Variants in SYNRG observed in about 807,000 individuals in gnomAD.
SYNRG encodes the protein AP1 gamma subunit binding protein 1.
Under a neutral mutation model 130.9 loss-of-function variants are expected in SYNRG, and 37 were observed. That is an observed-to-expected ratio of 0.28 (90% CI 0.22 to 0.37). The LOEUF is 0.37. SYNRG is among the 10% of genes least tolerant of loss of function. The probability of loss-of-function intolerance (pLI) is 1.00; values close to 1 mark genes in which losing one functional copy is unlikely to be tolerated. For synonymous variants in SYNRG, 539 were observed against 568.1 expected (o/e 0.95, Z 0.73); for missense variants, 1,338 against 1,588.9 (o/e 0.84, Z 2.68).
At chr17:37,585,265 T>C in intron 5 of SYNRG, 60 bp downstream of exon 5, 1 of 1,348,560 alleles carries the variant, frequency 7.4e-7, no homozygotes, top group Non-Finnish European at 1.0e-6. Flanking sequence ...ACTCAATGAG[T>C]GGGAAGAGGC....
At chr17:37,590,177 A>AG (rs1053129146) in intron 3 of SYNRG, among the ~76,000 whole-genome samples, 73 of 151,022 alleles carry the variant, frequency 4.8e-4, no homozygotes, top group African/African-American at 1.6e-3. Context: ...CAAAAAAAAA[A>AG]AAAAGAAAAG....
intron 19 of SYNRG, among the ~76,000 whole-genome samples, chr17:37,524,455 G>A (rs1490808091): frequency 6.6e-6 from 1 of 152,232 alleles, no homozygotes; most frequent in Non-Finnish European, 1.5e-5. Flanking sequence ...ATCACAGCAG[G>A]GGAAGGAAGA....
At chr17:37,541,324 GAAC>G (rs2057738377) in intron 15 of SYNRG, 1 of 913,938 alleles carries the variant, frequency 1.1e-6, no homozygotes, top group Non-Finnish European at 1.3e-6. Flanking sequence ...CAAGTAAAGT[GAAC>G]AACTTAAGTA....
intron 19 of SYNRG, among the ~76,000 whole-genome samples, chr17:37,533,930 T>TTC (rs1555720994): frequency 5.3e-5 from 6 of 113,924 alleles, no homozygotes; most frequent in African/African-American, 1.7e-4. Flanking sequence ...TCTTTTCTTT[T>TTC]TTTTTTTTTT....
chr17:37,602,603 G>A (rs2147090808), intron 1 of SYNRG, among the ~76,000 whole-genome samples: 1 of 152,338 alleles, frequency 6.6e-6, no homozygotes, highest in East Asian at 1.9e-4. Flanking sequence ...TTTCAAAAAT[G>A]GTGATTGTTA....
intron 2 of SYNRG, among the ~76,000 whole-genome samples, chr17:37,596,653 C>T (rs1285282958): frequency 6.6e-6 from 1 of 152,220 alleles, no homozygotes; most frequent in Non-Finnish European, 1.5e-5. Flanking sequence ...CCAATGACCT[C>T]TGTCTCCTGG....
chr17:37,577,300 T>C, intron 7 of SYNRG, 80 bp downstream of exon 7: 2 of 1,309,330 alleles, frequency 1.5e-6, no homozygotes, highest in Non-Finnish European at 2.2e-6. Flanking sequence ...AGCATTCATT[T>C]GAAGATTAAT....
chr17:37,562,919 C>T lies in SYNRG; in HGVS notation c.1482-1330G>A, dbSNP rs78443926. 5.3e-3 allele frequency among the ~76,000 whole-genome samples: 799 copies of T among 151,924 alleles called. 9 individuals carry two copies. Among genetic ancestry groups the T allele is most frequent in the African/African-American group, 0.018 (757 of 41,428 alleles). On this transcript the variant is annotated intron_variant, in intron 11 of 21. Transcript: ENST00000612223. ...GCTTTAGCTACGGTCTTTTAAGGCT[C>T]AATGGTAAAAATCTTTCTACTAAAT...
intron 17 of SYNRG, among the ~76,000 whole-genome samples, chr17:37,538,779 G>A (rs184019523): frequency 5.0e-4 from 76 of 152,328 alleles, no homozygotes; most frequent in African/African-American, 1.7e-3. Context: ...ATTTTTAGTA[G>A]AGACAGGGTT....
chr17:37,532,095 G>A (rs892913318), intron 19 of SYNRG, among the ~76,000 whole-genome samples: 8 of 152,206 alleles, frequency 5.3e-5, no homozygotes, highest in African/African-American at 1.9e-4. Context: ...TGGAATTACT[G>A]AGTCAGCTAC....
At chr17:37,580,591 G>A (rs1054855734) in intron 6 of SYNRG, among the ~76,000 whole-genome samples, 1 of 151,842 alleles carries the variant, frequency 6.6e-6, no homozygotes, top group African/African-American at 2.4e-5. Flanking sequence ...CTTGAGTGCA[G>A]TGGCGCGATC....
At chr17:37,591,854 T>C (rs1018365657) in intron 3 of SYNRG, among the ~76,000 whole-genome samples, 5 of 152,010 alleles carry the variant, frequency 3.3e-5, no homozygotes, top group Non-Finnish European at 7.4e-5. Context: ...ATAAAACTTT[T>C]AGAAAAAAAT....
At chr17:37,551,692 C>CTAG (rs2058717325) in intron 14 of SYNRG, among the ~76,000 whole-genome samples, 1 of 151,738 alleles carries the variant, frequency 6.6e-6, no homozygotes, top group African/African-American at 2.4e-5. Context: ...GTCCAAAAGG[C>CTAG]TAGTATACAT....
chr17:37,582,413 T>C (rs2061403827), intron 6 of SYNRG, among the ~76,000 whole-genome samples: 1 of 152,212 alleles, frequency 6.6e-6, no homozygotes, highest in African/African-American at 2.4e-5. Flanking sequence ...CTACTTAAAA[T>C]ATTTTTTAAA....
chr17:37,580,506 T>TGAGA (rs1282046342), intron 6 of SYNRG, among the ~76,000 whole-genome samples: 1 of 114,130 alleles, frequency 8.8e-6, no homozygotes, highest in East Asian at 2.6e-4. Context: ...TGTGTGTGTG[T>TGAGA]GTGTGAGAGA....
intron 17 of SYNRG, among the ~76,000 whole-genome samples, chr17:37,538,670 A>T (rs894746482): frequency 6.6e-6 from 1 of 152,196 alleles, no homozygotes; most frequent in Non-Finnish European, 1.5e-5. Flanking sequence ...ATCTCGGCTC[A>T]CTGAACCCCT....
intron 14 of SYNRG, among the ~76,000 whole-genome samples, chr17:37,543,029 A>C (rs773082690): frequency 3.3e-5 from 5 of 152,240 alleles, no homozygotes; most frequent in Admixed American, 6.5e-5. Context: ...CAGTTTCTCA[A>C]AACTAAAATG....
chr17:37,566,021 G>C (rs1456755468), intron 11 of SYNRG, among the ~76,000 whole-genome samples: 3 of 148,168 alleles, frequency 2.0e-5, no homozygotes, highest in Non-Finnish European at 3.0e-5. Flanking sequence ...GGGGGGGTCA[G>C]CCCCCCGCCC....
rs771803080 is a variant in SYNRG, at chr17:37,568,817, T to C, written c.1455A>G (p.Lys485=). Residue 485 remains lysine, a synonymous_variant, in exon 11 of 22, where the codon AAA becomes AAG. Coordinates refer to ENST00000612223, the MANE Select transcript of SYNRG (RefSeq NM_007247.6). Reference sequence around the variant, plus strand: ...TGTTTCCATGCTGGGAGTTACTTGTTTTTGAAGAAGCAGGCAACTCTTGGA... The same window carrying C: ...TGTTTCCATGCTGGGAGTTACTTGTCTTTGAAGAAGCAGGCAACTCTTGGA... ...SDFQELPASS[K]TSNSQHGNSA... 1 of 1,614,098 alleles carries C rather than the reference T, an allele frequency of 6.2e-7. No homozygotes were observed. The highest frequency in any genetic ancestry group is 8.5e-7 in the Non-Finnish European group (1 of 1,179,988).
Sources: allele counts gnomAD v4.1 joint callset (sites outside exome capture counted in the v4.1 genomes callset), GRCh38; gene constraint gnomAD v4.1.1; transcripts MANE v1.5; gene names NCBI Gene and HGNC (gene_info 2026-07-23, HGNC 2026-07-21).